Variants in MYCBP observed in about 807,000 individuals in gnomAD.
MYCBP encodes the protein MYC binding protein.
Under a neutral mutation model 16.8 loss-of-function variants are expected in MYCBP, and 5 were observed. The observed-to-expected ratio is 0.30, with a 90% CI of 0.16 to 0.63. The LOEUF is 0.63. Ranked by LOEUF, MYCBP falls within the 20% of genes least tolerant of loss-of-function variation. The pLI, the probability that MYCBP is intolerant of heterozygous loss-of-function variation, is 0.83. For missense variants in MYCBP, 103 were observed against 121.8 expected, an observed-to-expected ratio of 0.85 and a Z score of 0.73; for synonymous variants, 35 against 43.7, an observed-to-expected ratio of 0.80 and a Z score of 0.79.
intron 2 of MYCBP, among the ~76,000 whole-genome samples, chr1:38,870,769 C>T (rs1351041723): frequency 8.7e-6 from 1 of 114,556 alleles, no homozygotes; most frequent in Middle Eastern, 7.2e-3. Context: ...GTCCGCAGTC[C>T]GGCCTGGGCG....
rs114521372 is a variant in MYCBP, at chr1:38,868,042, G to T, written c.89-432C>A. Among the ~76,000 whole-genome samples the T allele has an allele frequency of 1.5e-3, 234 of 152,332 alleles. 1 individual carries two copies. The highest frequency in any genetic ancestry group is 5.4e-3 in the African/African-American group (226 of 41,566). ...ATGTAATTTGGCAGGAAAGGAAGCTGGAAAGGTGGTCATGGCCAGATTAGG... is the reference window on the plus strand; with the variant it reads ...ATGTAATTTGGCAGGAAAGGAAGCTTGAAAGGTGGTCATGGCCAGATTAGG... On this transcript the variant is annotated intron_variant, in intron 2 of 4. Coordinates refer to ENST00000397572, the MANE Select transcript of MYCBP (RefSeq NM_012333.5).
At chr1:38,870,799 CAAAAAAAAAAAAAAAA>C (rs60684785) in intron 2 of MYCBP, among the ~76,000 whole-genome samples, 7 of 60,686 alleles carry the variant, frequency 1.2e-4, no homozygotes, top group East Asian at 8.2e-4. Context: ...GACTCCGTCT[CAAAAAAAAAAAAAAAA>C]AAAAAAAAAA....
chr1:38,868,468 A>G (rs893396713), intron 2 of MYCBP, among the ~76,000 whole-genome samples: 1 of 152,232 alleles, frequency 6.6e-6, no homozygotes, highest in Non-Finnish European at 1.5e-5. Flanking sequence ...AATCACTCAT[A>G]TGAGCACTGC....
rs1642367759 is a variant in MYCBP at position 38,867,574 on chromosome 1, T to C, written c.125A>G (p.Asn42Ser). Residue 42 changes from asparagine to serine, a missense_variant, in exon 3 of 5, where the codon AAC becomes AGC. Physicochemically the swap from Asn to Ser is conservative, Grantham distance 46. Transcript: ENST00000397572. ...CTTGAAAGGATACTCCAAAGCACTGTTAGGTTTCTCTGGTTCTTCATATAA... is the reference window on the plus strand; with the variant it reads ...CTTGAAAGGATACTCCAAAGCACTGCTAGGTTTCTCTGGTTCTTCATATAA... ...VALYEEPEKPNSALDFLKHHL... is the reference protein window; with the variant it reads ...VALYEEPEKPSSALDFLKHHL... The C allele has an allele frequency of 6.2e-7, 1 of 1,613,596 alleles. No homozygotes were observed. The highest frequency in any genetic ancestry group is 1.7e-5 in the Admixed American group (1 of 59,954).
chr1:38,872,866 G>A (rs994348187), intron 2 of MYCBP, 152 bp downstream of exon 2: 1 of 841,820 alleles, frequency 1.2e-6, no homozygotes, highest in African/African-American at 1.7e-5. Flanking sequence ...CCAGCAGCCA[G>A]GTCCCTGCTG....
At chr1:38,872,279 CA>C (rs1405034887) in intron 2 of MYCBP, among the ~76,000 whole-genome samples, 1 of 152,210 alleles carries the variant, frequency 6.6e-6, no homozygotes, top group Non-Finnish European at 1.5e-5. Context: ...AGCAGGCATT[CA>C]AATTAGTGCT....
At position 38,867,572 on chromosome 1, in the gene MYCBP, T is replaced by C; in HGVS notation, c.127A>G (p.Ser43Gly). The C allele has an allele frequency of 1.9e-6, 3 of 1,613,714 alleles. No homozygotes were observed. The highest frequency in any genetic ancestry group is 2.5e-6 in the Non-Finnish European group (3 of 1,179,888). The change falls in exon 3 of 5, where the codon AGT becomes GGT. Residue 43 changes from serine (S) to glycine (G), a missense_variant. Ser to Gly is a moderately conservative substitution (Grantham distance 56). Transcript: ENST00000397572. ...ALYEEPEKPN[S>G]ALDFLKHHLG... ...GACTTGAAAGGATACTCCAAAGCAC[T>C]GTTAGGTTTCTCTGGTTCTTCATAT... is the stretch of plus-strand genomic sequence containing the variant.
At chr1:38,865,485 G>GA (rs1642315918) in intron 4 of MYCBP, among the ~76,000 whole-genome samples, 1 of 152,170 alleles carries the variant, frequency 6.6e-6, no homozygotes, top group African/African-American at 2.4e-5. Context: ...TGAAGTTCAT[G>GA]AAAATTCTCA....
Position 38,867,691 on chromosome 1 carries a change from T to C in MYCBP, c.89-81A>G. 1.2e-5 allele frequency: 15 copies of C among 1,208,256 alleles called. No individual in the cohort carries two copies. The South Asian group carries it at 1.5e-4, about 12-fold the overall frequency. The allele number at this position is 1,208,256 out of a possible 1,614,324, so 74.8% of individuals were successfully genotyped here. On this transcript the variant is annotated intron_variant, in intron 2 of 4. Coordinates refer to ENST00000397572, the MANE Select transcript of MYCBP (RefSeq NM_012333.5). ...AAATTATGTTCCATTACCCAGTAAA[T>C]ATTAGGTGCCAACTATACGCTGAGC... is the stretch of plus-strand genomic sequence containing the variant.
In MYCBP at chr1:38,864,363, G is replaced by A. The variant is rs1205599022; in HGVS notation, c.*307C>T. On this transcript the variant is annotated 3_prime_UTR_variant, in exon 5 of 5. Coordinates refer to ENST00000397572, the MANE Select transcript of MYCBP (RefSeq NM_012333.5). Reference sequence around the variant, plus strand: ...GAATAGCTCCATGCTAAACTGTCTTGGCTAAAATACAACCAGTGCCATCAT... The same window carrying A: ...GAATAGCTCCATGCTAAACTGTCTTAGCTAAAATACAACCAGTGCCATCAT... 5.0e-6 allele frequency: 2 copies of A among 396,118 alleles called. No individual in the cohort carries two copies. The highest frequency in any genetic ancestry group is 4.1e-5 in the African/African-American group (2 of 48,568). The allele number at this position is 396,118 out of a possible 1,614,324, so 24.5% of individuals were successfully genotyped here. A position where few individuals can be genotyped will look rare whatever the true frequency, so the allele number is the denominator to read the frequency against.
At chr1:38,870,343 GA>G (rs1443444923) in intron 2 of MYCBP, among the ~76,000 whole-genome samples, 2 of 151,618 alleles carry the variant, frequency 1.3e-5, no homozygotes, top group Non-Finnish European at 2.9e-5. Flanking sequence ...ACCTTGTCTC[GA>G]AAAAATATAT....
At chr1:38,873,182 C>T (rs1642505194) in intron 1 of MYCBP, 92 bp from the exon 2 acceptor site, 1 of 1,557,124 alleles carries the variant, frequency 6.4e-7, no homozygotes, top group Admixed American at 1.9e-5. Flanking sequence ...CGCCTCACTA[C>T]CTCGGGGCCC....
At position 38,867,446 on chromosome 1, in the gene MYCBP, CAAAAAAAA is replaced by C. The variant is rs11338710; in HGVS notation, c.137+108_137+115del. 13 of 625,874 alleles carry C rather than the reference CAAAAAAAA, an allele frequency of 2.1e-5. No individual in the cohort carries two copies. In the East Asian group the frequency reaches 3.4e-4, roughly 16 times the overall value. 38.8% of individuals were successfully genotyped at this position (625,874 alleles called of 1,614,324 possible). The stretch of plus-strand genomic sequence containing the variant: ...CAGGTGACAGTACAAGACTCCGTCT[CAAAAAAAA>C]AAAAAAAAAAGTAACTTTCTCAATA... On this transcript the variant is annotated intron_variant, in intron 3 of 4. Coordinates refer to ENST00000397572, the MANE Select transcript of MYCBP (RefSeq NM_012333.5).
At chr1:38,869,703 A>G (rs973537512) in intron 2 of MYCBP, among the ~76,000 whole-genome samples, 1 of 152,138 alleles carries the variant, frequency 6.6e-6, no homozygotes, top group Non-Finnish European at 1.5e-5. Context: ...CCATCCTTTC[A>G]TAGTGTTTTA....
chr1:38,866,135 AC>A (rs1235832571), intron 4 of MYCBP, among the ~76,000 whole-genome samples: 3 of 129,750 alleles, frequency 2.3e-5, no homozygotes, highest in African/African-American at 8.9e-5. Context: ...TGCAACTTCC[AC>A]CTCCCGGGTT....
At chr1:38,869,417 A>G (rs1441355731) in intron 2 of MYCBP, among the ~76,000 whole-genome samples, 2 of 152,044 alleles carry the variant, frequency 1.3e-5, no homozygotes, top group African/African-American at 4.8e-5. Context: ...CATGAATATT[A>G]ATACTCTACT....
rs779714317 is a variant in MYCBP, at chr1:38,866,903, C to T, written c.244G>A (p.Glu82Lys). The change falls in exon 4 of 5, where the codon GAA (glutamate) becomes AAA (lysine). Residue 82 changes from glutamate (E) to lysine (K), a missense_variant. Physicochemically the swap from Glu to Lys is moderately conservative, Grantham distance 56. Coordinates refer to ENST00000397572, the MANE Select transcript of MYCBP (RefSeq NM_012333.5). Reference sequence around the variant, plus strand: ...ACCTTTGCTTTCAGTTTTTTATTTTCTTCTACAATAGCTTCATACTTCTCT... The same window carrying T: ...ACCTTTGCTTTCAGTTTTTTATTTTTTTCTACAATAGCTTCATACTTCTCT... ...MKEKYEAIVE[E>K]NKKLKAKLAQ... 1.9e-6 allele frequency: 3 copies of T among 1,560,084 alleles called. No individual in the cohort carries two copies. The South Asian group carries it at 3.6e-5, about 19-fold the overall frequency.
intron 2 of MYCBP, 94 bp from the exon 3 acceptor site, chr1:38,867,704 C>A: frequency 9.6e-7 from 1 of 1,044,268 alleles, no homozygotes; most frequent in Non-Finnish European, 1.5e-6. Flanking sequence ...TAGGTGCCAA[C>A]TATACGCTGA....
chr1:38,871,776 C>T (rs1642472294), intron 2 of MYCBP, among the ~76,000 whole-genome samples: 1 of 152,106 alleles, frequency 6.6e-6, no homozygotes. Flanking sequence ...CACTAGCTGA[C>T]ACTACATATT....
Sources: allele counts gnomAD v4.1 joint callset (sites outside exome capture counted in the v4.1 genomes callset), GRCh38; gene constraint gnomAD v4.1.1; transcripts MANE v1.5; gene names NCBI Gene and HGNC (gene_info 2026-07-23, HGNC 2026-07-21).